Variants in FOXN3 observed in about 807,000 individuals in gnomAD.
The protein encoded by FOXN3 is forkhead box N3, also known as forkhead box protein N3.
Under a neutral mutation model 38.4 loss-of-function variants are expected in FOXN3, and 7 were observed. The ratio of observed to expected loss-of-function variants is 0.18; its 90% CI spans 0.10 to 0.34. The LOEUF is 0.34. Among genes scored for constraint, FOXN3 ranks in the 10% least tolerant of loss-of-function variants. The pLI is 1.00. For synonymous variants in FOXN3, 230 were observed against 242.2 expected, an observed-to-expected ratio of 0.95 and a Z score of 0.47; for missense variants, 456 against 613.4, an observed-to-expected ratio of 0.74 and a Z score of 2.71.
At chr14:89,558,158 T>C (rs1470451415) in intron 1 of FOXN3, among the ~76,000 whole-genome samples, 1 of 152,176 alleles carries the variant, frequency 6.6e-6, no homozygotes, top group Non-Finnish European at 1.5e-5. Flanking sequence ...TACTTACTGA[T>C]GGGGCACTGA....
chr14:89,615,866 A>G (rs1386202059), intron 1 of FOXN3, among the ~76,000 whole-genome samples: 3 of 152,236 alleles, frequency 2.0e-5, no homozygotes, highest in Non-Finnish European at 4.4e-5. Context: ...AAATAGAGTT[A>G]GGACTCTCCT....
At chr14:89,552,735 T>G (rs1895031579) in intron 1 of FOXN3, among the ~76,000 whole-genome samples, 1 of 152,158 alleles carries the variant, frequency 6.6e-6, no homozygotes. Context: ...GGCATGTGCC[T>G]GTAATCCCAG....
chr14:89,571,242 C>A (rs1363291937), intron 1 of FOXN3, among the ~76,000 whole-genome samples: 2 of 152,124 alleles, frequency 1.3e-5, no homozygotes, highest in Non-Finnish European at 2.9e-5. Flanking sequence ...GGCATGGTGG[C>A]TCACGCCTGT....
upstream of FOXN3, chr14:89,419,421 C>A (rs1040834129): frequency 6.1e-6 from 2 of 326,578 alleles, no homozygotes; most frequent in East Asian, 7.9e-5. Context: ...TCCCCATGAA[C>A]TTTCAGAAAG....
intron 4 of FOXN3, among the ~76,000 whole-genome samples, chr14:89,238,610 T>C (rs139054543): frequency 1.3e-5 from 2 of 152,322 alleles, no homozygotes; most frequent in African/African-American, 4.8e-5. Context: ...TACAGTTACA[T>C]AGAGAACTGC....
chr14:89,441,610 C>T (rs1021654084), intron 1 of FOXN3, among the ~76,000 whole-genome samples: 2 of 152,184 alleles, frequency 1.3e-5, no homozygotes, highest in African/African-American at 2.4e-5. Flanking sequence ...ATCATCCTTC[C>T]GCAGGGTTGG....
chr14:89,403,937 C>T (rs1434301544), intron 2 of FOXN3, among the ~76,000 whole-genome samples: 2 of 152,276 alleles, frequency 1.3e-5, no homozygotes, highest in African/African-American at 2.4e-5. Flanking sequence ...GGGCATACAG[C>T]AGTGGAGTAA....
At chr14:89,415,084 T>C (rs1891658301) in intron 1 of FOXN3, among the ~76,000 whole-genome samples, 1 of 152,276 alleles carries the variant, frequency 6.6e-6, no homozygotes, top group African/African-American at 2.4e-5. Flanking sequence ...ATAGCACCAC[T>C]TGTCTTTCTT....
intron 1 of FOXN3, among the ~76,000 whole-genome samples, chr14:89,434,221 C>CT (rs1197630812): frequency 0.12 from 14,856 of 124,690 alleles, 1,052 homozygotes; most frequent in African/African-American, 0.15. Context: ...CTGCGCAAGC[C>CT]TTTTTTTTTT....
intron 4 of FOXN3, among the ~76,000 whole-genome samples, chr14:89,276,826 C>A (rs900436210): frequency 6.6e-5 from 10 of 152,216 alleles, no homozygotes; most frequent in Admixed American, 2.6e-4. Context: ...CCGTGGGGAG[C>A]TCTGAGGCCA....
Position 89,185,839 on chromosome 14 carries a change from A to G in FOXN3, c.746-5033T>C, listed in dbSNP as rs142743734. On this transcript the variant is annotated intron_variant, in intron 4 of 5. Transcript: ENST00000557258. ...TTTAACTAGCAAGAGGGCAACCTTCACACATAAGAAGAGAGCCAAACAGAG... is the reference window on the plus strand; with the variant it reads ...TTTAACTAGCAAGAGGGCAACCTTCGCACATAAGAAGAGAGCCAAACAGAG... 8.5e-5 allele frequency: 13 copies of G among 152,430 alleles called. No homozygotes were observed. In the East Asian group the frequency reaches 2.5e-3, roughly 29 times the overall value. The allele number at this position is 152,430 out of a possible 1,614,324, so 9.4% of individuals were successfully genotyped here. A position where few individuals can be genotyped will look rare whatever the true frequency, so the allele number is the denominator to read the frequency against.
At chr14:89,205,957 G>A (rs1164498253) in intron 4 of FOXN3, among the ~76,000 whole-genome samples, 1 of 152,204 alleles carries the variant, frequency 6.6e-6, no homozygotes, top group Non-Finnish European at 1.5e-5. Context: ...CAATGAATGG[G>A]ATGAGAGCCC....
At chr14:89,454,117 A>C (rs1336286609) in intron 1 of FOXN3, among the ~76,000 whole-genome samples, 1 of 152,266 alleles carries the variant, frequency 6.6e-6, no homozygotes, top group Non-Finnish European at 1.5e-5. Flanking sequence ...CAGCCTGGCC[A>C]ACATGGCGAA....
chr14:89,522,769 A>G (rs1298367762), intron 1 of FOXN3, among the ~76,000 whole-genome samples: 1 of 152,038 alleles, frequency 6.6e-6, no homozygotes, highest in Admixed American at 6.5e-5. Context: ...TAAAGTAAAA[A>G]AAAAGAATAC....
intron 1 of FOXN3, among the ~76,000 whole-genome samples, chr14:89,562,274 T>C (rs1895266052): frequency 6.6e-6 from 1 of 152,172 alleles, no homozygotes; most frequent in African/African-American, 2.4e-5. Flanking sequence ...GTTGTTTGTT[T>C]TTTTGAGACA....
chr14:89,504,615 C>T (rs1408308079), intron 1 of FOXN3, among the ~76,000 whole-genome samples: 1 of 152,200 alleles, frequency 6.6e-6, no homozygotes, highest in Non-Finnish European at 1.5e-5. Flanking sequence ...CCATTCCAGG[C>T]ACCTAAGTCT....
intron 4 of FOXN3, among the ~76,000 whole-genome samples, chr14:89,280,476 A>G (rs555521044): frequency 1.3e-5 from 2 of 152,250 alleles, no homozygotes; most frequent in South Asian, 2.1e-4. Context: ...ACCACGGCCA[A>G]CCTTCCAGGT....
intron 1 of FOXN3, among the ~76,000 whole-genome samples, chr14:89,588,151 G>A (rs1048815577): frequency 2.0e-5 from 3 of 152,076 alleles, no homozygotes; most frequent in Non-Finnish European, 4.4e-5. Context: ...TTGTAAGTGT[G>A]TGGCACCTCC....
chr14:89,404,156 C>T (rs1049465714), intron 2 of FOXN3, among the ~76,000 whole-genome samples: 4 of 152,000 alleles, frequency 2.6e-5, no homozygotes, highest in African/African-American at 9.7e-5. Context: ...GGAAATGTGC[C>T]CCCACCCAAG....
Sources: gnomAD v4.1 joint callset for allele counts (sites outside exome capture counted in the v4.1 genomes callset) on GRCh38, gnomAD v4.1.1 for gene constraint, MANE v1.5 for transcripts, NCBI Gene and HGNC (gene_info 2026-07-23, HGNC 2026-07-21) for gene names.